The following CDH26 variants were observed in gnomAD, a reference collection of about 807,000 sequenced individuals.
CDH26 encodes cadherin 26, also known as cadherin-like protein 26.
Under a neutral mutation model 90.3 loss-of-function variants are expected in CDH26, and 83 were observed. That is an observed-to-expected ratio of 0.92 (90% CI 0.77 to 1.10). The LOEUF (loss-of-function observed/expected upper bound fraction) is 1.10. Ranked by LOEUF, CDH26 falls within the 50% of genes least tolerant of loss-of-function variation. The pLI, the probability that CDH26 is intolerant of heterozygous loss-of-function variation, is 0.00. For missense variants in CDH26, 1,013 were observed against 1,037.6 expected (o/e 0.98, Z 0.33); for synonymous variants, 397 against 396.3 (o/e 1.00, Z -0.02).
At chr20:60,006,946 G>A (rs1234804863) in intron 17 of CDH26, among the ~76,000 whole-genome samples, 159 bp downstream of exon 17, 1 of 152,200 alleles carries the variant, frequency 6.6e-6, no homozygotes, top group Non-Finnish European at 1.5e-5. Context: ...TTAAATAACA[G>A]AAATATATTG....
At chr20:59,968,828 A>G in intron 1 of CDH26, 139 bp from the exon 2 acceptor site, 1 of 454,622 alleles carries the variant, frequency 2.2e-6, no homozygotes, top group Non-Finnish European at 4.0e-6. Flanking sequence ...GTAGAGGATA[A>G]GAAATTCTAT....
chr20:60,012,481 T>C (rs1333618624), intron 17 of CDH26, 46 bp from the exon 18 acceptor site: 1 of 1,566,106 alleles, frequency 6.4e-7, no homozygotes, highest in South Asian at 1.1e-5. Flanking sequence ...GAGCTGGGTA[T>C]GGAAGCACAT....
At chr20:60,034,357 G>T (rs1478144920), downstream of CDH26, among the ~76,000 whole-genome samples, 2 of 152,194 alleles carry the variant, frequency 1.3e-5, no homozygotes, top group Admixed American at 6.5e-5. Flanking sequence ...CTGGGGGAAG[G>T]GTCATGAGGC....
chr20:59,968,220 C>T (rs1328134147), intron 1 of CDH26, among the ~76,000 whole-genome samples: 1 of 151,722 alleles, frequency 6.6e-6, no homozygotes, highest in Non-Finnish European at 1.5e-5. Context: ...GTCTCAGCCT[C>T]CCAAGTAACT....
intron 7 of CDH26, among the ~76,000 whole-genome samples, chr20:60,020,586 G>T (rs965840473): frequency 6.6e-6 from 1 of 152,188 alleles, no homozygotes; most frequent in African/African-American, 2.4e-5. Flanking sequence ...TGTGGGCTTG[G>T]TGGAATGAAT....
intron 11 of CDH26, 127 bp from the exon 12 acceptor site, chr20:59,995,706 C>A: frequency 1.3e-6 from 1 of 768,562 alleles, no homozygotes; most frequent in Non-Finnish European, 2.2e-6. Flanking sequence ...AGGACCCCTC[C>A]CTCTAACTCT....
chr20:59,975,080 A>T (rs2061312357), intron 4 of CDH26, among the ~76,000 whole-genome samples: 1 of 152,164 alleles, frequency 6.6e-6, no homozygotes, highest in Admixed American at 6.5e-5. Flanking sequence ...AGTAAAATGT[A>T]GCCTCGGCCT....
chr20:60,007,134 G>T (rs1003409620), intron 17 of CDH26, among the ~76,000 whole-genome samples: 2 of 152,174 alleles, frequency 1.3e-5, no homozygotes, highest in Non-Finnish European at 2.9e-5. Flanking sequence ...ATTCCATCAT[G>T]AGGACTCTAC....
At chr20:60,031,652 G>A (rs1939252965) in intron 8 of CDH26, among the ~76,000 whole-genome samples, 2 of 152,324 alleles carry the variant, frequency 1.3e-5, no homozygotes, top group South Asian at 4.1e-4. Context: ...GATTGGCTTT[G>A]TGTGATGTGC....
chr20:60,000,627 C>G (rs1285286157), intron 14 of CDH26, among the ~76,000 whole-genome samples: 2 of 152,202 alleles, frequency 1.3e-5, no homozygotes, highest in African/African-American at 4.8e-5. Context: ...TTCACCAGAA[C>G]CCATAGGGGC....
intron 9 of CDH26, among the ~76,000 whole-genome samples, chr20:59,991,759 C>T (rs2061530577): frequency 6.6e-6 from 1 of 152,176 alleles, no homozygotes; most frequent in Non-Finnish European, 1.5e-5. Context: ...CCAGGAGGTT[C>T]CTGCTGCGGT....
chr20:59,989,738 T>C (rs1177262697), intron 9 of CDH26, among the ~76,000 whole-genome samples: 1 of 152,190 alleles, frequency 6.6e-6, no homozygotes, highest in Non-Finnish European at 1.5e-5. Context: ...TGTGTTCCTT[T>C]TGTATTCTTT....
chr20:60,019,247 C>T (rs2061932885), downstream of CDH26, among the ~76,000 whole-genome samples: 1 of 152,148 alleles, frequency 6.6e-6, no homozygotes, highest in Non-Finnish European at 1.5e-5. Context: ...ATCTGAGTGC[C>T]TATCTGTTCA....
intron 1 of CDH26, among the ~76,000 whole-genome samples, chr20:59,964,178 T>C (rs1248127111): frequency 2.0e-5 from 3 of 152,262 alleles, no homozygotes; most frequent in African/African-American, 4.8e-5. Context: ...ATGATTTCTA[T>C]ATAGGCCTCT....
rs761466507 is a variant in CDH26 at position 59,984,761 on chromosome 20, C to T, written c.664C>T (p.Arg222Cys). Residue 222 changes from arginine to cysteine, a missense_variant, in exon 6 of 18, where the codon CGC becomes TGC. Transcript: ENST00000348616. ...GAAAGAAAGTGGTTTCCGGGTTGAT[C>T]GCCTTAGTGGAGAAATACGACTCTC... is the stretch of plus-strand genomic sequence containing the variant. The part of the protein sequence containing the change: ...LLKESGFRVD[R>C]LSGEIRLSGC... The T allele has an allele frequency of 2.4e-5, 39 of 1,613,584 alleles. No individual in the cohort carries two copies. In the South Asian group the frequency reaches 2.7e-4, roughly 11 times the overall value.
intron 7 of CDH26, among the ~76,000 whole-genome samples, chr20:60,028,152 C>G (rs1010352742): frequency 6.6e-6 from 1 of 152,194 alleles, no homozygotes; most frequent in African/African-American, 2.4e-5. Flanking sequence ...AGGTGCTGAG[C>G]AGGGCAGCAC....
At chr20:59,965,035 A>G (rs1465827554) in intron 1 of CDH26, among the ~76,000 whole-genome samples, 2 of 152,226 alleles carry the variant, frequency 1.3e-5, no homozygotes, top group African/African-American at 4.8e-5. Context: ...TAGGCCCTTA[A>G]TTTAAAACTA....
chr20:60,025,547 G>A (rs1167216917), intron 7 of CDH26, among the ~76,000 whole-genome samples: 1 of 152,220 alleles, frequency 6.6e-6, no homozygotes, highest in Non-Finnish European at 1.5e-5. Context: ...TTCGGGGTAA[G>A]CAGGTGGGTG....
At chr20:59,991,224 C>T (rs561565715) in intron 9 of CDH26, among the ~76,000 whole-genome samples, 4 of 152,186 alleles carry the variant, frequency 2.6e-5, no homozygotes, top group Non-Finnish European at 5.9e-5. Context: ...TTTCCTAATT[C>T]ATTGCTGTCT....
Sources: gnomAD v4.1 joint callset for allele counts (sites outside exome capture counted in the v4.1 genomes callset) on GRCh38, gnomAD v4.1.1 for gene constraint, MANE v1.5 for transcripts, NCBI Gene and HGNC (gene_info 2026-07-23, HGNC 2026-07-21) for gene names.